The following MYOD1 variants were observed in gnomAD, a reference collection of about 807,000 sequenced individuals.
MYOD1 encodes myogenic differentiation 1.
A neutral mutation model predicts 14.9 loss-of-function variants in MYOD1; 15 were observed. The observed-to-expected ratio is 1.01, with a 90% confidence interval of 0.67 to 1.55. The LOEUF (loss-of-function observed/expected upper bound fraction) is 1.55, where lower values mean the gene tolerates loss of function less well. Ranked by LOEUF, MYOD1 falls within the 40% of genes most tolerant of loss-of-function variation. The pLI is 0.00. For synonymous variants in MYOD1, 235 were observed against 218.6 expected (o/e 1.07, Z -0.66); for missense variants, 529 against 482.6 (o/e 1.10, Z -0.90).
In MYOD1 at chr11:17,719,737, G is replaced by T. The variant is rs768672026; in HGVS notation, c.-46G>T. The T allele has an allele frequency of 6.4e-7, 1 of 1,560,648 alleles. No individual in the cohort carries two copies. The highest frequency in any genetic ancestry group is 1.2e-5 in the South Asian group (1 of 82,212). ...CAGAAAGTTCCGGCCACTCTCTGCC[G>T]CTTGGGTTGGGCGAAGCCAGGACCG... is the stretch of plus-strand genomic sequence containing the variant. On this transcript the variant is annotated 5_prime_UTR_variant, in exon 1 of 3. Transcript: ENST00000250003.
Position 17,719,776 on chromosome 11 carries a change from C to T in MYOD1, c.-7C>T. On this transcript the variant is annotated 5_prime_UTR_variant, in exon 1 of 3. Coordinates refer to ENST00000250003, the MANE Select transcript of MYOD1 (RefSeq NM_002478.5). ...AAGCCAGGACCGTGCCGCGCCACCG[C>T]CAGGATATGGAGCTACTGTCGCCAC... 1 of 1,608,632 alleles carries T rather than the reference C, an allele frequency of 6.2e-7. No homozygotes were observed. Among genetic ancestry groups the T allele is most frequent in the Non-Finnish European group, 8.5e-7 (1 of 1,177,042 alleles).
In MYOD1 at chr11:17,721,604, T is replaced by G; in HGVS notation, c.*96T>G. 9 of 1,368,818 alleles carry G rather than the reference T, an allele frequency of 6.6e-6. No homozygotes were observed. Among genetic ancestry groups the G allele is most frequent in the African/African-American group, 1.5e-5 (1 of 67,216 alleles). 84.8% of individuals were successfully genotyped at this position (1,368,818 alleles called of 1,614,324 possible). On this transcript the variant is annotated 3_prime_UTR_variant, in exon 3 of 3. Transcript: ENST00000250003. This position sits in a 1 kb window ranked among gnomAD's most constrained non-coding sequence, Gnocchi z 6.2. Reference sequence around the variant, plus strand: ...TAAATGCCCCCCTCCCAACAGCGCTTTAAAAGCGACCTCTCTTGAGGTAGG... The same window carrying G: ...TAAATGCCCCCCTCCCAACAGCGCTGTAAAAGCGACCTCTCTTGAGGTAGG...
Position 17,720,182 on chromosome 11 carries a change from C to A in MYOD1, c.400C>A (p.Arg134Ser). The change falls in exon 1 of 3, where the codon CGC (arginine) becomes AGC (serine). Residue 134 changes from arginine to serine, a missense_variant. Arg to Ser is a moderately radical substitution (Grantham distance 110). Transcript: ENST00000250003. ...AAATGAGGCCTTTGAGACACTCAAG[C>A]GCTGCACGTCGAGCAATCCAAACCA... Reference protein sequence around the residue: ...KVNEAFETLKRCTSSNPNQRL... With the variant: ...KVNEAFETLKSCTSSNPNQRL... 6.2e-7 allele frequency: 1 copy of A among 1,609,516 alleles called. No homozygotes were observed. The highest frequency in any genetic ancestry group is 8.5e-7 in the Non-Finnish European group (1 of 1,178,614).
Position 17,721,161 on chromosome 11 carries a change from C to T in MYOD1, c.710-94C>T. On this transcript the variant is annotated intron_variant, in intron 2 of 2. Transcript: ENST00000250003. This position sits in a 1 kb window ranked among gnomAD's most constrained non-coding sequence, Gnocchi z 6.2. ...ATTGTCCCGGACTCTAACTAAAGTC[C>T]TCAGTTTCCAATCTGTCTCAAAGTA... The T allele has an allele frequency of 6.9e-7, 1 of 1,439,202 alleles. No homozygotes were observed. The allele number at this position is 1,439,202 out of a possible 1,614,324, so 89.2% of individuals were successfully genotyped here.
At position 17,721,062 on chromosome 11, in the gene MYOD1, C is replaced by T; in HGVS notation, c.709+82C>T. On this transcript the variant is annotated intron_variant, in intron 2 of 2. Coordinates refer to ENST00000250003, the MANE Select transcript of MYOD1 (RefSeq NM_002478.5). This position sits in a 1 kb window ranked among gnomAD's most constrained non-coding sequence, Gnocchi z 6.2. ...CCTCTATCTAGGACGCTCCCACCCC[C>T]ACTCACACACGCCTATGTCCTGGGA... The T allele has an allele frequency of 7.0e-7, 1 of 1,428,288 alleles. No homozygotes were observed. Among genetic ancestry groups the T allele is most frequent in the Non-Finnish European group, 9.3e-7 (1 of 1,074,342 alleles). 88.5% of individuals were successfully genotyped at this position (1,428,288 alleles called of 1,614,324 possible).
In MYOD1 at chr11:17,719,877, A is replaced by T. The variant is rs1590083858; in HGVS notation, c.95A>T (p.Asp32Val). 6.2e-7 allele frequency: 1 copy of T among 1,613,540 alleles called. No homozygotes were observed. The highest frequency in any genetic ancestry group is 1.7e-5 in the Admixed American group (1 of 60,000). ...SFATTDDFYD[D>V]PCFDSPDLRF... ...GCCACAACGGACGACTTCTATGACG[A>T]CCCGTGTTTCGACTCCCCGGACCTG... The change falls in exon 1 of 3, where the codon GAC becomes GTC. Residue 32 changes from aspartate to valine, a missense_variant. Asp to Val is a radical substitution (Grantham distance 152). Coordinates refer to ENST00000250003, the MANE Select transcript of MYOD1 (RefSeq NM_002478.5).
Position 17,720,172 on chromosome 11 carries a change from G to T in MYOD1, c.390G>T (p.Glu130Asp). 1 of 1,608,808 alleles carries T rather than the reference G, an allele frequency of 6.2e-7. No homozygotes were observed. Among genetic ancestry groups the T allele is most frequent in the Non-Finnish European group, 8.5e-7 (1 of 1,178,326 alleles). The change falls in exon 1 of 3, where the codon GAG (glutamate) becomes GAT (aspartate). Residue 130 changes from glutamate to aspartate, a missense_variant. Glu to Asp is a conservative substitution (Grantham distance 45). Coordinates refer to ENST00000250003, the MANE Select transcript of MYOD1 (RefSeq NM_002478.5). ...RRLSKVNEAFETLKRCTSSNP... is the reference protein window; with the variant it reads ...RRLSKVNEAFDTLKRCTSSNP... ...TGAGCAAAGTAAATGAGGCCTTTGA[G>T]ACACTCAAGCGCTGCACGTCGAGCA...
rs999449151 is a variant in MYOD1 at position 17,720,817 on chromosome 11, G to C, written c.631-85G>C. On this transcript the variant is annotated intron_variant, in intron 1 of 2. Transcript: ENST00000250003. ...CCCGGAACTAGAGCCTTAGGCTAGA[G>C]TTAGGGAGGGGGCGGCTACAGGAAT... is the stretch of plus-strand genomic sequence containing the variant. 4 of 1,439,722 alleles carry C rather than the reference G, an allele frequency of 2.8e-6. No individual in the cohort carries two copies. In the African/African-American group the frequency reaches 5.6e-5, roughly 20 times the overall value. 89.2% of individuals were successfully genotyped at this position (1,439,722 alleles called of 1,614,324 possible).
chr11:17,721,588 C>A lies in MYOD1; in HGVS notation c.*80C>A. 6.9e-7 allele frequency: 1 copy of A among 1,444,780 alleles called. No individual in the cohort carries two copies. The highest frequency in any genetic ancestry group is 9.1e-7 in the Non-Finnish European group (1 of 1,099,386). The allele number at this position is 1,444,780 out of a possible 1,614,324, so 89.5% of individuals were successfully genotyped here. ...CCCAAAAGATTGAACTTAAATGCCC[C>A]CCTCCCAACAGCGCTTTAAAAGCGA... On this transcript the variant is annotated 3_prime_UTR_variant, in exon 3 of 3. Coordinates refer to ENST00000250003, the MANE Select transcript of MYOD1 (RefSeq NM_002478.5). This position sits in a 1 kb window ranked among gnomAD's most constrained non-coding sequence, Gnocchi z 6.2.
chr11:17,720,603 G>T (rs1848628307), intron 1 of MYOD1, among the ~76,000 whole-genome samples, 191 bp downstream of exon 1: 1 of 152,248 alleles, frequency 6.6e-6, no homozygotes, highest in African/African-American at 2.4e-5. Context: ...AAGCGTTCGA[G>T]CTGCCCCATT....
rs141519188 is a variant in MYOD1, at chr11:17,720,421, G to T, written c.630+9G>T. The T allele has an allele frequency of 0.011, 17,368 of 1,550,542 alleles. 124 individuals are homozygous for T. The highest frequency in any genetic ancestry group is 0.015 in the South Asian group (1,249 of 83,472). Reference sequence around the variant, plus strand: ...ACTGCTCCGACGGCATGGTAAGGCCGGGACCCCAGGAAGTGAGGAAGTTAG... The same window carrying T: ...ACTGCTCCGACGGCATGGTAAGGCCTGGACCCCAGGAAGTGAGGAAGTTAG... On this transcript the variant is annotated intron_variant, in intron 1 of 2. Transcript: ENST00000250003.
In MYOD1 at chr11:17,721,553, G is replaced by T. The variant is rs1848639076; in HGVS notation, c.*45G>T. On this transcript the variant is annotated 3_prime_UTR_variant, in exon 3 of 3. Coordinates refer to ENST00000250003, the MANE Select transcript of MYOD1 (RefSeq NM_002478.5). This position sits in a 1 kb window ranked among gnomAD's most constrained non-coding sequence, Gnocchi z 6.2. The stretch of plus-strand genomic sequence containing the variant: ...CCGCCCGAGGGATGGTGCCCCTAGG[G>T]TCCCTCGCGCCCAAAAGATTGAACT... 1.4e-6 allele frequency: 2 copies of T among 1,480,118 alleles called. No individual in the cohort carries two copies. Among genetic ancestry groups the T allele is most frequent in the Non-Finnish European group, 1.8e-6 (2 of 1,122,254 alleles). 91.7% of individuals were successfully genotyped at this position (1,480,118 alleles called of 1,614,324 possible).
intron 1 of MYOD1, 59 bp downstream of exon 1, chr11:17,720,471 G>A: frequency 6.8e-7 from 1 of 1,476,350 alleles, no homozygotes; most frequent in Non-Finnish European, 8.8e-7. Flanking sequence ...TATCAGGGAC[G>A]CGTTTCCGAG....
intron 1 of MYOD1, among the ~76,000 whole-genome samples, chr11:17,720,659 C>A (rs12275883): frequency 0.053 from 8,007 of 152,260 alleles, 694 homozygotes; most frequent in African/African-American, 0.18. Context: ...AGATCTTTTT[C>A]TCTACTTATC....
In MYOD1 at chr11:17,720,334, G is replaced by GC. The variant is rs1179926739; in HGVS notation, c.557dup (p.Arg188ProfsTer90). On this transcript the variant is annotated frameshift_variant, in exon 1 of 3. Coordinates refer to ENST00000250003, the MANE Select transcript of MYOD1 (RefSeq NM_002478.5). LOFTEE classifies it high-confidence loss of function. Reference sequence around the variant, plus strand: ...CCGCCTTCTATGCGCCGGGCCCGCTGCCCCCGGGCCGCGGCGGCGAGCACT... The same window carrying GC: ...CCGCCTTCTATGCGCCGGGCCCGCTGCCCCCCGGGCCGCGGCGGCGAGCACT... 1 of 1,542,956 alleles carries GC rather than the reference G, an allele frequency of 6.5e-7. No individual in the cohort carries two copies. The highest frequency in any genetic ancestry group is 2.5e-5 in the East Asian group (1 of 40,310).
At position 17,720,903 on chromosome 11, in the gene MYOD1, T is replaced by G; in HGVS notation, c.632T>G (p.Met211Arg). 5.6e-6 allele frequency: 9 copies of G among 1,611,840 alleles called. No homozygotes were observed. The highest frequency in any genetic ancestry group is 7.6e-6 in the Non-Finnish European group (9 of 1,179,508). The change falls in exon 2 of 3, where the codon ATG becomes AGG. Residue 211 changes from methionine to arginine, a missense_variant and splice_region_variant. Transcript: ENST00000250003. ...CTCAGTCGCCCTTGCTGTTTGCAGA[T>G]GGACTACAGCGGCCCCCCGAGCGGC... ...SPRSNCSDGM[M>R]DYSGPPSGAR...
chr11:17,720,090 G>T lies in MYOD1; in HGVS notation c.308G>T (p.Arg103Leu), dbSNP rs1035088880. Reference sequence around the variant, plus strand: ...CTGTGGGCCTGCAAGGCGTGCAAGCGCAAGACCACCAACGCCGACCGCCGC... The same window carrying T: ...CTGTGGGCCTGCAAGGCGTGCAAGCTCAAGACCACCAACGCCGACCGCCGC... The part of the protein sequence containing the change: ...CLLWACKACK[R>L]KTTNADRRKA... The change falls in exon 1 of 3, where the codon CGC becomes CTC. Residue 103 changes from arginine (R) to leucine (L), a missense_variant. Coordinates refer to ENST00000250003, the MANE Select transcript of MYOD1 (RefSeq NM_002478.5). 1.3e-6 allele frequency: 2 copies of T among 1,573,052 alleles called. No homozygotes were observed. The highest frequency in any genetic ancestry group is 1.1e-5 in the South Asian group (1 of 87,164).
rs1848632711 is a variant in MYOD1, at chr11:17,721,040, C to CT, written c.709+61dup. ...CTCCTTCATGGAGCTGTCCTGGCCT[C>CT]TATCTAGGACGCTCCCACCCCCACT... is the stretch of plus-strand genomic sequence containing the variant. On this transcript the variant is annotated intron_variant, in intron 2 of 2. Transcript: ENST00000250003. This position sits in a 1 kb window ranked among gnomAD's most constrained non-coding sequence, Gnocchi z 6.2. 1.2e-5 allele frequency: 18 copies of CT among 1,465,636 alleles called. 1 individual carries two copies. The South Asian group carries it at 2.3e-4, about 19-fold the overall frequency. The allele number at this position is 1,465,636 out of a possible 1,614,324, so 90.8% of individuals were successfully genotyped here.
In MYOD1 at chr11:17,721,684, CG is replaced by C; in HGVS notation, c.*178del. 1 of 687,606 alleles carries C rather than the reference CG, an allele frequency of 1.5e-6. No homozygotes were observed. The highest frequency in any genetic ancestry group is 2.2e-6 in the Non-Finnish European group (1 of 455,342). 42.6% of individuals were successfully genotyped at this position (687,606 alleles called of 1,614,324 possible). A position where few individuals can be genotyped will look rare whatever the true frequency, so the allele number is the denominator to read the frequency against. On this transcript the variant is annotated 3_prime_UTR_variant, in exon 3 of 3. Transcript: ENST00000250003. This position sits in a 1 kb window ranked among gnomAD's most constrained non-coding sequence, Gnocchi z 6.2. ...CGCCCCACAGGGCAAGGACACAGCGCGGTTTTTTCCACGCAGCACCCTTCTC... is the reference window on the plus strand; with the variant it reads ...CGCCCCACAGGGCAAGGACACAGCGCGTTTTTTCCACGCAGCACCCTTCTC...
Sources: allele counts gnomAD v4.1 joint callset (sites outside exome capture counted in the v4.1 genomes callset), GRCh38; gene constraint gnomAD v4.1.1; non-coding constraint Gnocchi (gnomAD v3.1); transcripts MANE v1.5; gene names NCBI Gene and HGNC (gene_info 2026-07-23, HGNC 2026-07-21).